Variants in ACAN observed in about 807,000 individuals in gnomAD.
ACAN encodes aggrecan, also known as aggrecan core protein.
ACAN carries 47 observed loss-of-function variants against 169.1 expected under a neutral mutation model. The observed-to-expected ratio is 0.28, with a 90% CI of 0.22 to 0.35. The LOEUF is 0.35. ACAN is among the 10% of genes least tolerant of loss of function. The pLI is 1.00. For missense variants in ACAN, 2,716 were observed against 2,759.9 expected (o/e 0.98, Z 0.36); for synonymous variants, 1,115 against 1,112.2 (o/e 1.00, Z -0.05).
rs1895713650 is a variant in ACAN at position 88,807,585 on chromosome 15, G to A, written c.-8+3776G>A. On this transcript the variant is annotated intron_variant, in intron 1 of 18. Transcript: ENST00000560601. This position sits in a 1 kb window ranked among gnomAD's most constrained non-coding sequence, Gnocchi z 4.0. ...TGGGAGGCCGGCAGAACAAGGGGAG[G>A]GCTGGAGAAGGAGCGGGAGTGCAGG... Among the ~76,000 whole-genome samples, 1 of 152,206 alleles carries A rather than the reference G, an allele frequency of 6.6e-6. No homozygotes were observed. The highest frequency in any genetic ancestry group is 1.5e-5 in the Non-Finnish European group (1 of 68,036).
Position 88,840,024 on chromosome 15 carries a change from A to C in ACAN, c.467A>C (p.His156Pro). The part of the protein sequence containing the change: ...LEVVVKGIVF[H>P]YRAISTRYTL... ...ATGTGTCTTGCAGGCATCGTGTTCC[A>C]TTACAGAGCCATCTCTACACGCTAC... The change falls in exon 4 of 19, where the codon CAT becomes CCT. Residue 156 changes from histidine (H) to proline (P), a missense_variant. By Grantham distance (77) the His-to-Pro change is moderately conservative. This residue lies in a region of ACAN where 1,283 missense variants were observed against 1,281.5 expected (regional missense o/e 1.00). Coordinates refer to ENST00000560601, the MANE Select transcript of ACAN (RefSeq NM_001369268.1). 1 of 1,600,324 alleles carries C rather than the reference A, an allele frequency of 6.2e-7. No homozygotes were observed. Among genetic ancestry groups the C allele is most frequent in the African/African-American group, 1.3e-5 (1 of 74,836 alleles).
At chr15:88,854,629 C>A (rs1051002632) in intron 11 of ACAN, among the ~76,000 whole-genome samples, 1 of 152,172 alleles carries the variant, frequency 6.6e-6, no homozygotes, top group African/African-American at 2.4e-5. Flanking sequence ...TTCTCCCTGT[C>A]CTTCTGCCTT....
At chr15:88,837,665 G>A (rs1433335114) in intron 2 of ACAN, among the ~76,000 whole-genome samples, 1 of 152,172 alleles carries the variant, frequency 6.6e-6, no homozygotes, top group Non-Finnish European at 1.5e-5. Context: ...TGTCCAGGGT[G>A]CGAGGGCCCA....
At position 88,857,437 on chromosome 15, in the gene ACAN, C is replaced by A. The variant is rs1897081356; in HGVS notation, c.4852C>A (p.Gln1618Lys). 6.2e-7 allele frequency: 1 copy of A among 1,613,886 alleles called. No individual in the cohort carries two copies. The highest frequency in any genetic ancestry group is 8.5e-7 in the Non-Finnish European group (1 of 1,179,904). Residue 1618 changes from glutamine (Q) to lysine (K), a missense_variant, in exon 12 of 19, where the codon CAA (glutamine) becomes AAA (lysine). Coordinates refer to ENST00000560601, the MANE Select transcript of ACAN (RefSeq NM_001369268.1). ...GCCTTCTGGAACTCTAGGAAGTGGGCAAGCTCCAGAAACAAGTGGTCTTCC... is the reference window on the plus strand; with the variant it reads ...GCCTTCTGGAACTCTAGGAAGTGGGAAAGCTCCAGAAACAAGTGGTCTTCC... ...KLPSGTLGSG[Q>K]APETSGLPSG...
intron 1 of ACAN, among the ~76,000 whole-genome samples, chr15:88,831,347 G>A (rs1896357848): frequency 6.6e-6 from 1 of 152,226 alleles, no homozygotes; most frequent in Non-Finnish European, 1.5e-5. Flanking sequence ...TCACAAGGAA[G>A]CAGCGTGTCT....
chr15:88,858,256 A>G lies in ACAN; in HGVS notation c.5671A>G (p.Thr1891Ala). The change falls in exon 12 of 19, where the codon ACT (threonine) becomes GCT (alanine). Residue 1891 changes from threonine to alanine, a missense_variant. By Grantham distance (58) the Thr-to-Ala change is moderately conservative (BLOSUM62 0). This residue lies in a region of ACAN where 1,389 missense variants were observed against 1,363.7 expected (regional missense o/e 1.02). Coordinates refer to ENST00000560601, the MANE Select transcript of ACAN (RefSeq NM_001369268.1). The surrounding 1 kb of genome is among the most constrained non-coding windows in gnomAD (Gnocchi z 4.0). ...CGATTCCAGTGGGTTTACATCCCAG[A>G]CTCCGGAATTCAGTGGCCTACCAAG... ...TVDSSGFTSQ[T>A]PEFSGLPSGI... 6.2e-7 allele frequency: 1 copy of G among 1,613,606 alleles called. No homozygotes were observed. Among genetic ancestry groups the G allele is most frequent in the Non-Finnish European group, 8.5e-7 (1 of 1,179,824 alleles).
At chr15:88,837,201 G>A (rs1047209924) in intron 2 of ACAN, among the ~76,000 whole-genome samples, 4 of 152,192 alleles carry the variant, frequency 2.6e-5, no homozygotes, top group South Asian at 4.1e-4. Context: ...GCAGAGCAGG[G>A]CTGTGGGGCT....
Position 88,861,821 on chromosome 15 carries a change from C to A in ACAN, c.6946+1382C>A, listed in dbSNP as rs16942383. The stretch of plus-strand genomic sequence containing the variant: ...CAGAAGTCAAAGCAAGGCTCATGTT[C>A]TTGGCAGCCCTGAAATTAATAGGAG... On this transcript the variant is annotated intron_variant, in intron 13 of 18. Coordinates refer to ENST00000560601, the MANE Select transcript of ACAN (RefSeq NM_001369268.1). The surrounding 1 kb of genome is among the most constrained non-coding windows in gnomAD (Gnocchi z 6.3). Among the ~76,000 whole-genome samples, 11,255 of 152,188 alleles carry A rather than the reference C, an allele frequency of 0.074. 658 individuals are homozygous for A. The highest frequency in any genetic ancestry group is 0.22 in the South Asian group (1,038 of 4,818).
Position 88,804,915 on chromosome 15 carries a change from G to T in ACAN, c.-8+1106G>T, listed in dbSNP as rs535109769. Among the ~76,000 whole-genome samples, 6 of 152,236 alleles carry T rather than the reference G, an allele frequency of 3.9e-5. No homozygotes were observed. In the South Asian group the frequency reaches 1.2e-3, roughly 32 times the overall value. On this transcript the variant is annotated intron_variant, in intron 1 of 18. Coordinates refer to ENST00000560601, the MANE Select transcript of ACAN (RefSeq NM_001369268.1). ...GTTAGCACGGTGTTTTGGGGTCCTG[G>T]GTGCTGCAGTGGGTGGGTGTCTGAC...
intron 1 of ACAN, among the ~76,000 whole-genome samples, chr15:88,812,062 C>G (rs1277860480): frequency 1.3e-5 from 2 of 152,202 alleles, no homozygotes; most frequent in African/African-American, 4.8e-5. Context: ...ACACCCACTC[C>G]TGAGCGGGAG....
rs777836353 is a variant in ACAN, at chr15:88,858,930, C to T, written c.6345C>T (p.Ala2115=). The T allele has an allele frequency of 3.1e-5, 50 of 1,609,482 alleles. No individual in the cohort carries two copies. Among genetic ancestry groups the T allele is most frequent in the East Asian group, 2.9e-4 (13 of 44,824 alleles). ...CTGAAGCTGGGTTCGGGGCATCTGC[C>T]GCCCCTGAGGCCAGCAGAGAAGATT... ...AYPEAGFGAS[A]APEASREDSG... is the part of the protein sequence containing the mutation. Residue 2115 remains alanine, a synonymous_variant, in exon 12 of 19, where the codon GCC becomes GCT. Transcript: ENST00000560601. The surrounding 1 kb of genome is among the most constrained non-coding windows in gnomAD (Gnocchi z 4.0).
rs1247342692 is a variant in ACAN at position 88,836,087 on chromosome 15, G to T, written c.-7-113G>T. ...ACGTGCAGCCTCCTTCTCTGGAGAT[G>T]ATTCCAGGTCCTTGGGTGTGGAATT... On this transcript the variant is annotated intron_variant, in intron 1 of 18. Coordinates refer to ENST00000560601, the MANE Select transcript of ACAN (RefSeq NM_001369268.1). The T allele has an allele frequency of 8.5e-6, 6 of 704,690 alleles. No homozygotes were observed. In the African/African-American group the frequency reaches 8.9e-5, roughly 10 times the overall value. 43.7% of individuals were successfully genotyped at this position (704,690 alleles called of 1,614,324 possible).
chr15:88,871,981 G>T lies in ACAN; in HGVS notation c.7220-22G>T. ...CCTCAGGGTGTCCAGTGTGATGCCT[G>T]ACACCCTCACCCTTTCCCCAGACAA... On this transcript the variant is annotated intron_variant, in intron 15 of 18. Coordinates refer to ENST00000560601, the MANE Select transcript of ACAN (RefSeq NM_001369268.1). The surrounding 1 kb of genome is among the most constrained non-coding windows in gnomAD (Gnocchi z 7.8). 1 of 1,603,946 alleles carries T rather than the reference G, an allele frequency of 6.2e-7. No individual in the cohort carries two copies. Among genetic ancestry groups the T allele is most frequent in the South Asian group, 1.1e-5 (1 of 90,940 alleles).
intron 5 of ACAN, 32 bp downstream of exon 5, chr15:88,841,899 G>C (rs1157884387): frequency 6.2e-7 from 1 of 1,611,366 alleles, no homozygotes; most frequent in African/African-American, 1.3e-5. Context: ...GAGGCACCCA[G>C]CTCCCTTCCC....
Position 88,859,119 on chromosome 15 carries a change from G to A in ACAN, c.6534G>A (p.Gly2178=). 5.0e-6 allele frequency: 8 copies of A among 1,613,858 alleles called. No homozygotes were observed. The highest frequency in any genetic ancestry group is 6.8e-6 in the Non-Finnish European group (8 of 1,179,898). ...SGESTTTSDV[G]TEAPGLPSAT... is the part of the protein sequence containing the mutation. Reference sequence around the variant, plus strand: ...AATCCACCACCACCAGTGATGTGGGGACAGAGGCACCAGGCTTGCCTTCAG... The same window carrying A: ...AATCCACCACCACCAGTGATGTGGGAACAGAGGCACCAGGCTTGCCTTCAG... The change falls in exon 12 of 19, where the codon GGG becomes GGA. Residue 2178 remains glycine (G), a synonymous_variant. Transcript: ENST00000560601.
In ACAN at chr15:88,843,615, C is replaced by T. The variant is rs1896722051; in HGVS notation, c.1018C>T (p.Pro340Ser). 6.3e-7 allele frequency: 1 copy of T among 1,592,456 alleles called. No individual in the cohort carries two copies. The highest frequency in any genetic ancestry group is 1.1e-5 in the South Asian group (1 of 90,176). The change falls in exon 6 of 19, where the codon CCC (proline) becomes TCC (serine). Residue 340 changes from proline to serine, a missense_variant. Physicochemically the swap from Pro to Ser is moderately conservative, Grantham distance 74. This residue lies in a region of ACAN where 1,283 missense variants were observed against 1,281.5 expected (regional missense o/e 1.00). Transcript: ENST00000560601. The surrounding 1 kb of genome is among the most constrained non-coding windows in gnomAD (Gnocchi z 4.0). Reference sequence around the variant, plus strand: ...TGCCAACCAGACGGGCTACCCCGACCCCTCATCCCGCTACGACGCCATCTG... The same window carrying T: ...TGCCAACCAGACGGGCTACCCCGACTCCTCATCCCGCTACGACGCCATCTG... ...VHANQTGYPD[P>S]SSRYDAICYT...
In ACAN at chr15:88,873,991, C is replaced by T; in HGVS notation, c.7597C>T (p.His2533Tyr). Residue 2533 changes from histidine to tyrosine, a missense_variant, in exon 18 of 19, where the codon CAC (histidine) becomes TAC (tyrosine). His to Tyr is a moderately conservative substitution (Grantham distance 83). This residue lies in a region of ACAN where 1,389 missense variants were observed against 1,363.7 expected (regional missense o/e 1.02). Coordinates refer to ENST00000560601, the MANE Select transcript of ACAN (RefSeq NM_001369268.1). This position sits in a 1 kb window ranked among gnomAD's most constrained non-coding sequence, Gnocchi z 7.5. ...CACCATCCGGTGCCAGCCCAGCGGGCACTGGGAGGAGCCTCAGATCACCTG... is the reference window on the plus strand; with the variant it reads ...CACCATCCGGTGCCAGCCCAGCGGGTACTGGGAGGAGCCTCAGATCACCTG... Reference protein sequence around the residue: ...MPTIRCQPSGHWEEPQITCTD... With the variant: ...MPTIRCQPSGYWEEPQITCTD... The T allele has an allele frequency of 6.2e-7, 1 of 1,612,656 alleles. No homozygotes were observed. Among genetic ancestry groups the T allele is most frequent in the Non-Finnish European group, 8.5e-7 (1 of 1,179,810 alleles).
Position 88,871,353 on chromosome 15 carries a change from T to C in ACAN, c.7061-29T>C. The C allele has an allele frequency of 6.2e-7, 1 of 1,613,282 alleles. No homozygotes were observed. Among genetic ancestry groups the C allele is most frequent in the South Asian group, 1.1e-5 (1 of 91,022 alleles). ...GCCATCCCCTGGTGGCCTCTGCCCC[T>C]CCCTTCAAGCCCCTGACCTGTGTTG... is the stretch of plus-strand genomic sequence containing the variant. On this transcript the variant is annotated intron_variant, in intron 14 of 18. Coordinates refer to ENST00000560601, the MANE Select transcript of ACAN (RefSeq NM_001369268.1). The surrounding 1 kb of genome is among the most constrained non-coding windows in gnomAD (Gnocchi z 7.8).
chr15:88,858,856 G>A lies in ACAN; in HGVS notation c.6271G>A (p.Val2091Ile), dbSNP rs776423623. 4.3e-6 allele frequency: 7 copies of A among 1,612,950 alleles called. No individual in the cohort carries two copies. The East Asian group carries it at 1.6e-4, about 36-fold the overall frequency. The change falls in exon 12 of 19, where the codon GTA becomes ATA. Residue 2091 changes from valine to isoleucine, a missense_variant. This residue lies in a region of ACAN where 1,389 missense variants were observed against 1,363.7 expected (regional missense o/e 1.02). Transcript: ENST00000560601. The surrounding 1 kb of genome is among the most constrained non-coding windows in gnomAD (Gnocchi z 4.0). ...GATPVLPGSG[V>I]EVSSVPESSS... ...TACCCCAGTGCTCCCTGGGTCTGGA[G>A]TAGAAGTATCATCAGTCCCAGAATC... is the stretch of plus-strand genomic sequence containing the variant.
Sources: allele counts gnomAD v4.1 joint callset (sites outside exome capture counted in the v4.1 genomes callset), GRCh38; gene constraint gnomAD v4.1.1; regional missense constraint gnomAD v4.1.1; non-coding constraint Gnocchi (gnomAD v3.1); transcripts MANE v1.5; gene names NCBI Gene and HGNC (gene_info 2026-07-23, HGNC 2026-07-21).